The following DNM1L variants were observed in gnomAD, a reference collection of about 807,000 sequenced individuals.
DNM1L encodes dynamin 1L.
A neutral mutation model predicts 92.8 loss-of-function variants in DNM1L; 33 were observed. The ratio of observed to expected loss-of-function variants is 0.36; its 90% CI spans 0.27 to 0.48. The LOEUF is 0.48. Among genes scored for constraint, DNM1L ranks in the 20% least tolerant of loss-of-function variants. The pLI is 0.99. For synonymous variants in DNM1L, 284 were observed against 305.0 expected (o/e 0.93, Z 0.72); for missense variants, 485 against 888.8 (o/e 0.55, Z 5.78).
At position 32,745,139 on chromosome 12, in the gene DNM1L, G is replaced by A; in HGVS notation, c.*1729G>A. 1 of 386,208 alleles carries A rather than the reference G, an allele frequency of 2.6e-6. No individual in the cohort carries two copies. Among genetic ancestry groups the A allele is most frequent in the Non-Finnish European group, 5.0e-6 (1 of 199,600 alleles). 23.9% of individuals were successfully genotyped at this position (386,208 alleles called of 1,614,324 possible). ...TTGAATCTGTTACTAGTACCATCTT[G>A]ACAGAGGATACATGCTCCCAAAACG... On this transcript the variant is annotated 3_prime_UTR_variant, in exon 20 of 20. Transcript: ENST00000549701.
At chr12:32,696,170 G>C (rs1344029690) in intron 1 of DNM1L, among the ~76,000 whole-genome samples, 1 of 151,898 alleles carries the variant, frequency 6.6e-6, no homozygotes, top group East Asian at 1.9e-4. Context: ...AAAAATTATT[G>C]GACTTTAAAG....
intron 1 of DNM1L, among the ~76,000 whole-genome samples, chr12:32,686,476 C>G (rs776146337): frequency 3.9e-5 from 6 of 152,172 alleles, no homozygotes; most frequent in Non-Finnish European, 8.8e-5. Context: ...CCTCTTCTTT[C>G]TTTTCCATTT....
Position 32,713,269 on chromosome 12 carries a change from T to G in DNM1L, c.517T>G (p.Phe173Val). Residue 173 changes from phenylalanine to valine, a missense_variant, in exon 6 of 20, where the codon TTC (phenylalanine) becomes GTC (valine). By Grantham distance (50) the Phe-to-Val change is conservative. Around this residue, in one of 11 missense-constraint regions of DNM1L, gnomAD observed 159 missense variants for 275.9 expected, o/e 0.58. Transcript: ENST00000549701. The stretch of plus-strand genomic sequence containing the variant: ...TCAAATCAGAGAGCTCATTCTTCGG[T>G]TCATCAGTAATCCTAATTCCATTAT... The part of the protein sequence containing the change: ...ELQIRELILR[F>V]ISNPNSIILA... 6.2e-7 allele frequency: 1 copy of G among 1,613,962 alleles called. No homozygotes were observed. The highest frequency in any genetic ancestry group is 8.5e-7 in the Non-Finnish European group (1 of 1,179,934).
At chr12:32,685,359 CTTT>C (rs71298052) in intron 1 of DNM1L, among the ~76,000 whole-genome samples, 18,358 of 124,128 alleles carry the variant, frequency 0.15, 1,056 homozygotes, top group Middle Eastern at 0.21. Context: ...GTGGCTGCAC[CTTT>C]TTTTTTTTTT....
rs1448958370 is a variant in DNM1L, at chr12:32,744,683, A to T, written c.*1273A>T. The T allele has an allele frequency of 2.8e-6, 1 of 352,764 alleles. No homozygotes were observed. Among genetic ancestry groups the T allele is most frequent in the Non-Finnish European group, 5.4e-6 (1 of 184,914 alleles). The allele number at this position is 352,764 out of a possible 1,614,324, so 21.9% of individuals were successfully genotyped here. A position where few individuals can be genotyped will look rare whatever the true frequency, so the allele number is the denominator to read the frequency against. ...AGCTAAGATCGTGCCATTGCACTCC[A>T]GCCTTGGCAACAAGAGCGAAACTCC... On this transcript the variant is annotated 3_prime_UTR_variant, in exon 20 of 20. Coordinates refer to ENST00000549701, the MANE Select transcript of DNM1L (RefSeq NM_012062.5).
rs138621643 is a variant in DNM1L at position 32,719,091 on chromosome 12, T to C, written c.740+328T>C. 5.5e-3 allele frequency among the ~76,000 whole-genome samples: 844 copies of C among 152,128 alleles called. 9 individuals are homozygous for C. Among genetic ancestry groups the C allele is most frequent in the African/African-American group, 0.019 (799 of 41,496 alleles). On this transcript the variant is annotated intron_variant, in intron 7 of 19. Transcript: ENST00000549701. ...TCAGCCTTTCAAGTAGCTGAGACTA[T>C]AGGTGTGTATCACCACACCTGGCTA... is the stretch of plus-strand genomic sequence containing the variant.
intron 2 of DNM1L, chr12:32,706,617 C>T: frequency 2.3e-6 from 1 of 442,702 alleles, no homozygotes; most frequent in South Asian, 1.6e-5. Flanking sequence ...TGGAGAGTGG[C>T]AACTCCTTAC....
intron 18 of DNM1L, among the ~76,000 whole-genome samples, chr12:32,742,071 A>T (rs1955338772): frequency 6.6e-6 from 1 of 152,044 alleles, no homozygotes; most frequent in Admixed American, 6.6e-5. Context: ...TGAAATAAAG[A>T]TGATGAAAAG....
At chr12:32,736,751 C>T (rs1954909792) in intron 13 of DNM1L, among the ~76,000 whole-genome samples, 1 of 152,100 alleles carries the variant, frequency 6.6e-6, no homozygotes, top group African/African-American at 2.4e-5. Flanking sequence ...ATGTTGAAGG[C>T]TTACCACGTT....
rs1165349966 is a variant in DNM1L, at chr12:32,731,922, G to T, written c.1425G>T (p.Arg475Ser). The T allele has an allele frequency of 6.2e-7, 1 of 1,613,634 alleles. No individual in the cohort carries two copies. The highest frequency in any genetic ancestry group is 8.5e-7 in the Non-Finnish European group (1 of 1,179,636). The change falls in exon 12 of 20, where the codon AGG becomes AGT. Residue 475 changes from arginine to serine, a missense_variant. Physicochemically the swap from Arg to Ser is moderately radical, Grantham distance 110 (BLOSUM62 -1). Transcript: ENST00000549701. This position sits in a 1 kb window ranked among gnomAD's most constrained non-coding sequence, Gnocchi z 5.1. ...TGGTGACTTGTCTTCTTCGTAAAAG[G>T]TTGCCTGTTACAAATGAAATGGTGA... ...VEVVTCLLRKRLPVTNEMVHN... is the reference protein window; with the variant it reads ...VEVVTCLLRKSLPVTNEMVHN...
rs569075556 is a variant in DNM1L at position 32,706,709 on chromosome 12, T to G, written c.251-658T>G. The G allele has an allele frequency of 1.5e-5, 7 of 454,932 alleles. No individual in the cohort carries two copies. In the East Asian group the frequency reaches 4.2e-4, roughly 27 times the overall value. The allele number at this position is 454,932 out of a possible 1,614,324, so 28.2% of individuals were successfully genotyped here. ...CTCCAGTTCCAAGGGAAAACAGTCT[T>G]GACCCTGGGGGAAAATCACCTTGAA... On this transcript the variant is annotated intron_variant, in intron 2 of 19. Transcript: ENST00000549701.
chr12:32,679,699 G>GCGGCGGGCCTGGCTAGCC (rs1951729897), intron 1 of DNM1L: 5 of 1,230,822 alleles, frequency 4.1e-6, no homozygotes, highest in Middle Eastern at 3.2e-4. Flanking sequence ...CGGAGCCGGC[G>GCGGCGGGCCTGGCTAGCC]CGGCGGGCCT....
intron 1 of DNM1L, among the ~76,000 whole-genome samples, chr12:32,681,614 T>C (rs1951811041): frequency 2.1e-5 from 1 of 46,626 alleles, no homozygotes. Context: ...GCCCCCGCCT[T>C]TTTTGTAGTG....
intron 12 of DNM1L, chr12:32,732,500 G>GGTTTTTT (rs763714019): frequency 4.4e-6 from 2 of 455,570 alleles, no homozygotes; most frequent in Non-Finnish European, 8.8e-6. Context: ...TTGTTGGCTG[G>GGTTTTTT]GTTTTTTGTT....
chr12:32,722,410 T>C lies in DNM1L; in HGVS notation c.873-17T>C. 1 of 1,608,422 alleles carries C rather than the reference T, an allele frequency of 6.2e-7. No individual in the cohort carries two copies. The highest frequency in any genetic ancestry group is 8.5e-7 in the Non-Finnish European group (1 of 1,177,490). The stretch of plus-strand genomic sequence containing the variant: ...CACAATTTTACTTTTAAATCCTTCC[T>C]TTCTAACCTTTTTTAGGTTACTGAT... On this transcript the variant is annotated splice_polypyrimidine_tract_variant and intron_variant, in intron 8 of 19. Coordinates refer to ENST00000549701, the MANE Select transcript of DNM1L (RefSeq NM_012062.5).
intron 6 of DNM1L, among the ~76,000 whole-genome samples, chr12:32,717,684 G>GAT (rs1221188435): frequency 5.0e-5 from 4 of 80,008 alleles, no homozygotes; most frequent in East Asian, 3.6e-4. Context: ...TACCTAGGTA[G>GAT]ATATATATAT....
intron 9 of DNM1L, chr12:32,726,808 C>A: frequency 1.6e-6 from 1 of 620,294 alleles, no homozygotes; most frequent in South Asian, 2.0e-5. Context: ...ATTTCTTGTC[C>A]ATCAAAGGAA....
At chr12:32,742,537 T>A in intron 18 of DNM1L, 52 bp from the exon 19 acceptor site, 1 of 1,611,830 alleles carries the variant, frequency 6.2e-7, no homozygotes, top group Non-Finnish European at 8.5e-7. Context: ...AAGCCCAAAT[T>A]GTTAAAAGTA....
At chr12:32,711,963 C>A (rs997036342) in intron 5 of DNM1L, among the ~76,000 whole-genome samples, 1 of 152,132 alleles carries the variant, frequency 6.6e-6, no homozygotes, top group African/African-American at 2.4e-5. Flanking sequence ...TAATTTATCC[C>A]ACATTCCACT....
Sources: gnomAD v4.1 joint callset for allele counts (sites outside exome capture counted in the v4.1 genomes callset) on GRCh38, gnomAD v4.1.1 for gene constraint, gnomAD v4.1.1 regional missense constraint, Gnocchi (gnomAD v3.1) non-coding constraint, MANE v1.5 for transcripts, NCBI Gene and HGNC (gene_info 2026-07-23, HGNC 2026-07-21) for gene names.